Variants in MMP16 observed in about 807,000 individuals in gnomAD.
MMP16 encodes the protein matrix metallopeptidase 16.
A neutral mutation model predicts 67.8 loss-of-function variants in MMP16; 12 were observed. The observed-to-expected ratio is 0.18, with a 90% CI of 0.11 to 0.29. The LOEUF (loss-of-function observed/expected upper bound fraction) is 0.29. MMP16 is among the 10% of genes least tolerant of loss of function. The pLI is 1.00. For synonymous variants in MMP16, 249 were observed against 255.9 expected, an observed-to-expected ratio of 0.97 and a Z score of 0.26; for missense variants, 475 against 765.7, an observed-to-expected ratio of 0.62 and a Z score of 4.48.
rs1029662026 is a variant in MMP16, at chr8:88,036,022, C to T, written c.*5439G>A. The T allele has an allele frequency of 4.6e-5, 7 of 151,950 alleles. No homozygotes were observed. The highest frequency in any genetic ancestry group is 1.4e-4 in the African/African-American group (6 of 41,450). The allele number at this position is 151,950 out of a possible 1,614,324, so 9.4% of individuals were successfully genotyped here. On this transcript the variant is annotated 3_prime_UTR_variant, in exon 10 of 10. Coordinates refer to ENST00000286614, the MANE Select transcript of MMP16 (RefSeq NM_005941.5). ...AGATGAGACTAGAACATGAAGGCAA[C>T]TTCTTTGCTACTACGCCAAGTGTCT...
At chr8:88,232,963 TAG>T (rs1809884765) in intron 1 of MMP16, among the ~76,000 whole-genome samples, 1 of 152,154 alleles carries the variant, frequency 6.6e-6, no homozygotes, top group Non-Finnish European at 1.5e-5. Context: ...TGAGAAGAGT[TAG>T]ATTCTGAAGT....
At chr8:88,216,377 T>C (rs1182118767) in intron 1 of MMP16, among the ~76,000 whole-genome samples, 2 of 152,192 alleles carry the variant, frequency 1.3e-5, no homozygotes, top group Non-Finnish European at 2.9e-5. Flanking sequence ...ACCCTGAATA[T>C]TGTATTTCGT....
intron 6 of MMP16, among the ~76,000 whole-genome samples, chr8:88,103,349 A>G (rs28906379): frequency 0.09 from 13,610 of 151,808 alleles, 650 homozygotes; most frequent in African/African-American, 0.13. Flanking sequence ...AAAGAATAAG[A>G]GTGGCTTGGT....
chr8:88,297,833 G>C (rs1701195777), intron 1 of MMP16, among the ~76,000 whole-genome samples: 1 of 152,196 alleles, frequency 6.6e-6, no homozygotes, highest in South Asian at 2.1e-4. Flanking sequence ...GTTAAAAATG[G>C]AACGAGGTAA....
intron 2 of MMP16, among the ~76,000 whole-genome samples, chr8:88,192,868 C>T (rs1210855543): frequency 1.3e-5 from 2 of 152,064 alleles, no homozygotes; most frequent in Admixed American, 1.3e-4. Context: ...CATCCTACCC[C>T]AGTTAAACAA....
intron 1 of MMP16, among the ~76,000 whole-genome samples, chr8:88,202,386 A>G (rs1202735534): frequency 6.6e-6 from 1 of 152,092 alleles, no homozygotes; most frequent in Non-Finnish European, 1.5e-5. Context: ...AATGCTGTGG[A>G]GAGGTTTTCC....
chr8:88,291,924 G>A (rs1359879280), intron 1 of MMP16, among the ~76,000 whole-genome samples: 2 of 151,992 alleles, frequency 1.3e-5, no homozygotes, highest in Non-Finnish European at 2.9e-5. Context: ...AGTAGTACTG[G>A]GTAAGAATTA....
intron 1 of MMP16, among the ~76,000 whole-genome samples, chr8:88,200,016 G>A (rs1809317054): frequency 6.6e-6 from 1 of 151,942 alleles, no homozygotes; most frequent in African/African-American, 2.4e-5. Flanking sequence ...AATACACAAA[G>A]CCCTTAGCAT....
In MMP16 at chr8:88,033,944, T is replaced by C. The variant is rs1390212206; in HGVS notation, c.*7517A>G. The C allele has an allele frequency of 6.6e-6, 1 of 152,046 alleles. No individual in the cohort carries two copies. Among genetic ancestry groups the C allele is most frequent in the Non-Finnish European group, 1.5e-5 (1 of 67,962 alleles). The allele number at this position is 152,046 out of a possible 1,614,324, so 9.4% of individuals were successfully genotyped here. On this transcript the variant is annotated 3_prime_UTR_variant, in exon 10 of 10. Coordinates refer to ENST00000286614, the MANE Select transcript of MMP16 (RefSeq NM_005941.5). ...ACAGAACACTATACTGTGACTACTT[T>C]CCTGTATAATTATTTAAGATACATT...
At chr8:88,102,418 G>T (rs1809160104) in intron 6 of MMP16, among the ~76,000 whole-genome samples, 1 of 151,910 alleles carries the variant, frequency 6.6e-6, no homozygotes, top group Admixed American at 6.6e-5. Flanking sequence ...CTGAGGTATG[G>T]GGGGAGTGGG....
At chr8:88,073,114 G>A (rs528697810) in intron 7 of MMP16, among the ~76,000 whole-genome samples, 21 of 152,148 alleles carry the variant, frequency 1.4e-4, no homozygotes, top group Admixed American at 5.9e-4. Context: ...AAGGCTAGTC[G>A]GAACTTAACC....
At chr8:88,235,734 T>C (rs1809930455) in intron 1 of MMP16, among the ~76,000 whole-genome samples, 1 of 152,156 alleles carries the variant, frequency 6.6e-6, no homozygotes, top group South Asian at 2.1e-4. Context: ...AATGGTACAC[T>C]CTGTAGTGAC....
chr8:88,080,643 C>G (rs2118306404), intron 6 of MMP16, among the ~76,000 whole-genome samples: 1 of 152,184 alleles, frequency 6.6e-6, no homozygotes. Flanking sequence ...ACCACGTTGG[C>G]CAGGCTGGTC....
At chr8:88,301,575 A>C (rs148771138) in intron 1 of MMP16, among the ~76,000 whole-genome samples, 1 of 152,194 alleles carries the variant, frequency 6.6e-6, no homozygotes, top group South Asian at 2.1e-4. Flanking sequence ...GAAAATACAG[A>C]TATATGCAGG....
intron 7 of MMP16, among the ~76,000 whole-genome samples, chr8:88,072,967 G>A (rs1386725049): frequency 6.6e-6 from 1 of 152,130 alleles, no homozygotes; most frequent in East Asian, 1.9e-4. Context: ...GCGAATAAAA[G>A]TGAGAAGGCC....
At chr8:88,239,170 T>A (rs1809993548) in intron 1 of MMP16, among the ~76,000 whole-genome samples, 1 of 151,226 alleles carries the variant, frequency 6.6e-6, no homozygotes, top group African/African-American at 2.4e-5. Context: ...TGGCGCTTGC[T>A]TATAATCCCA....
intron 7 of MMP16, 88 bp from the exon 8 acceptor site, chr8:88,056,366 TAC>T: frequency 4.0e-6 from 2 of 497,398 alleles, no homozygotes; most frequent in East Asian, 1.1e-4. Flanking sequence ...TTATATTAAA[TAC>T]ATATTATACA....
At chr8:88,128,291 A>C (rs1179753725) in intron 4 of MMP16, among the ~76,000 whole-genome samples, 1 of 151,828 alleles carries the variant, frequency 6.6e-6, no homozygotes, top group Non-Finnish European at 1.5e-5. Flanking sequence ...TTTATTTTAC[A>C]TTGAAAAAAC....
intron 1 of MMP16, among the ~76,000 whole-genome samples, chr8:88,299,673 C>CTA (rs796655694): frequency 2.0e-5 from 3 of 152,210 alleles, no homozygotes; most frequent in African/African-American, 7.2e-5. Flanking sequence ...ATTAGGCTGT[C>CTA]TATAATGTAT....
Sources: gnomAD v4.1 joint callset for allele counts (sites outside exome capture counted in the v4.1 genomes callset) on GRCh38, gnomAD v4.1.1 for gene constraint, MANE v1.5 for transcripts, NCBI Gene and HGNC (gene_info 2026-07-23, HGNC 2026-07-21) for gene names.